Variants in CNTNAP5 observed in about 807,000 individuals in gnomAD.
CNTNAP5 encodes the protein contactin associated protein family member 5, also known as contactin-associated protein-like 5.
A neutral mutation model predicts 150.2 loss-of-function variants in CNTNAP5; 72 were observed. That is an observed-to-expected ratio of 0.48 (90% CI 0.40 to 0.58). The LOEUF is 0.58. Ranked by LOEUF, CNTNAP5 falls within the 20% of genes least tolerant of loss-of-function variation. The pLI is 0.00. For synonymous variants in CNTNAP5, 672 were observed against 619.8 expected (o/e 1.08, Z -1.25); for missense variants, 1,636 against 1,626.2 (o/e 1.01, Z -0.10).
intron 1 of CNTNAP5, among the ~76,000 whole-genome samples, chr2:124,052,088 G>A (rs1416961845): frequency 6.6e-6 from 1 of 152,144 alleles, no homozygotes; most frequent in African/African-American, 2.4e-5. Flanking sequence ...GATTGTGACA[G>A]GTTTCTAAGT....
intron 6 of CNTNAP5, among the ~76,000 whole-genome samples, chr2:124,458,949 A>G (rs755761029): frequency 6.6e-6 from 1 of 152,336 alleles, no homozygotes; most frequent in Middle Eastern, 3.4e-3. Context: ...AATATTTTAT[A>G]CACTGTTGAT....
At chr2:124,593,146 T>A (rs975487576) in intron 11 of CNTNAP5, among the ~76,000 whole-genome samples, 2 of 149,444 alleles carry the variant, frequency 1.3e-5, no homozygotes, top group Non-Finnish European at 3.0e-5. Flanking sequence ...ATTATTTTTT[T>A]AATTATACTT....
At chr2:124,344,094 C>CCATT (rs1689682240) in intron 3 of CNTNAP5, among the ~76,000 whole-genome samples, 1 of 152,136 alleles carries the variant, frequency 6.6e-6, no homozygotes, top group African/African-American at 2.4e-5. Flanking sequence ...CAAGCACCAC[C>CCATT]CATTAGTCCC....
chr2:124,027,257 G>A (rs1334591409), intron 1 of CNTNAP5, among the ~76,000 whole-genome samples: 1 of 152,146 alleles, frequency 6.6e-6, no homozygotes, highest in Non-Finnish European at 1.5e-5. Flanking sequence ...GATCTAAGTG[G>A]TTAGTAAGAG....
chr2:124,035,300 T>G (rs537957857), intron 1 of CNTNAP5, among the ~76,000 whole-genome samples: 1 of 152,246 alleles, frequency 6.6e-6, no homozygotes, highest in Admixed American at 6.5e-5. Flanking sequence ...CTCCTTTATT[T>G]TCAATATTCT....
chr2:124,234,943 C>T (rs1686711670), intron 2 of CNTNAP5, among the ~76,000 whole-genome samples: 1 of 152,134 alleles, frequency 6.6e-6, no homozygotes, highest in African/African-American at 2.4e-5. Flanking sequence ...TCAGACTTCA[C>T]CATTTCAGCC....
chr2:124,338,411 G>C (rs1689529870), intron 3 of CNTNAP5, among the ~76,000 whole-genome samples: 1 of 152,148 alleles, frequency 6.6e-6, no homozygotes, highest in Admixed American at 6.6e-5. Context: ...ATGTTGAATA[G>C]GAGTGGTGAG....
intron 16 of CNTNAP5, among the ~76,000 whole-genome samples, chr2:124,770,417 C>T (rs190825788): frequency 5.3e-5 from 8 of 152,184 alleles, no homozygotes; most frequent in African/African-American, 1.7e-4. Context: ...CAAGCCCTCC[C>T]CAAACATGTG....
intron 13 of CNTNAP5, among the ~76,000 whole-genome samples, chr2:124,732,467 C>T (rs1680292430): frequency 1.3e-5 from 2 of 151,916 alleles, no homozygotes; most frequent in South Asian, 4.2e-4. Context: ...GGATTAATGC[C>T]CTTAGAAAAC....
At chr2:124,373,131 A>C (rs1477492016) in intron 3 of CNTNAP5, among the ~76,000 whole-genome samples, 1 of 152,178 alleles carries the variant, frequency 6.6e-6, no homozygotes, top group Admixed American at 6.6e-5. Context: ...CGTTCTTGAC[A>C]TTAGCTTGGA....
At chr2:124,441,787 A>C (rs2104801318) in intron 5 of CNTNAP5, among the ~76,000 whole-genome samples, 1 of 152,034 alleles carries the variant, frequency 6.6e-6, no homozygotes, top group African/African-American at 2.4e-5. Context: ...CATAAGTTTA[A>C]GTCCCTTGAT....
At chr2:124,082,689 T>C (rs1682587317) in intron 1 of CNTNAP5, among the ~76,000 whole-genome samples, 1 of 152,246 alleles carries the variant, frequency 6.6e-6, no homozygotes, top group South Asian at 2.1e-4. Flanking sequence ...TGTTGGGCCA[T>C]ATGGCAGTGG....
At chr2:124,287,325 A>G (rs762747723) in intron 3 of CNTNAP5, among the ~76,000 whole-genome samples, 2 of 152,196 alleles carry the variant, frequency 1.3e-5, no homozygotes, top group African/African-American at 4.8e-5. Context: ...GACTTAGGCC[A>G]GTATGCCGGG....
chr2:124,461,588 T>C (rs2104821281), intron 6 of CNTNAP5, among the ~76,000 whole-genome samples: 1 of 150,198 alleles, frequency 6.7e-6, no homozygotes, highest in Non-Finnish European at 1.5e-5. Context: ...GATGACGAGT[T>C]AGTGGGTGCA....
intron 1 of CNTNAP5, among the ~76,000 whole-genome samples, chr2:124,142,041 G>A (rs1348738710): frequency 4.7e-5 from 7 of 147,720 alleles, no homozygotes; most frequent in Non-Finnish European, 8.9e-5. Context: ...AAGAGACAAA[G>A]AAGGCCATTA....
intron 12 of CNTNAP5, among the ~76,000 whole-genome samples, chr2:124,617,938 A>G (rs1209648392): frequency 1.3e-5 from 2 of 152,128 alleles, no homozygotes; most frequent in Non-Finnish European, 2.9e-5. Context: ...GCTGCAGGAA[A>G]GCATTTCCAG....
At chr2:124,295,744 A>T (rs949781881) in intron 3 of CNTNAP5, among the ~76,000 whole-genome samples, 2 of 120,018 alleles carry the variant, frequency 1.7e-5, no homozygotes, top group Non-Finnish European at 3.6e-5. Flanking sequence ...CAAAAGGTGG[A>T]TTATTCATGA....
rs183670463 is a variant in CNTNAP5, at chr2:124,590,348, A to T, written c.1757-19453A>T. Among the ~76,000 whole-genome samples, 151 of 152,300 alleles carry T rather than the reference A, an allele frequency of 9.9e-4. 2 individuals are homozygous for T. Among genetic ancestry groups the T allele is most frequent in the Admixed American group, 7.6e-3 (116 of 15,292 alleles). ...TCTACCAATCTCCTTTTAGGTAATG[A>T]AAATGTTACAGAACCTATGTCTATT... On this transcript the variant is annotated intron_variant, in intron 11 of 23. Coordinates refer to ENST00000682447, the MANE Select transcript of CNTNAP5 (RefSeq NM_001367498.1).
chr2:124,302,189 C>G (rs750063903), intron 3 of CNTNAP5, among the ~76,000 whole-genome samples: 5 of 152,120 alleles, frequency 3.3e-5, no homozygotes, highest in Non-Finnish European at 7.4e-5. Context: ...ATTGTTTAAG[C>G]CACATGGTCT....
Sources: allele counts gnomAD v4.1 joint callset (sites outside exome capture counted in the v4.1 genomes callset), GRCh38; gene constraint gnomAD v4.1.1; transcripts MANE v1.5; gene names NCBI Gene and HGNC (gene_info 2026-07-23, HGNC 2026-07-21).